The following SRBD1 variants were observed in gnomAD, a reference collection of about 807,000 sequenced individuals.
SRBD1 encodes S1 RNA-binding domain-containing protein 1.
Under a neutral mutation model 115.3 loss-of-function variants are expected in SRBD1, and 88 were observed. The observed-to-expected ratio is 0.76, with a 90% CI of 0.64 to 0.91. The LOEUF is 0.91. Among genes scored for constraint, SRBD1 ranks in the 40% least tolerant of loss-of-function variants. SRBD1 has a pLI of 0.00. For synonymous variants in SRBD1, 509 were observed against 407.7 expected (o/e 1.25, Z -2.99); for missense variants, 1,385 against 1,177.4 (o/e 1.18, Z -2.58).
intron 16 of SRBD1, among the ~76,000 whole-genome samples, chr2:45,472,462 C>G (rs6730610): frequency 0.01 from 1,587 of 152,212 alleles, 26 homozygotes; most frequent in African/African-American, 0.029. Flanking sequence ...AATTATGAAC[C>G]AATAAAGCTG....
chr2:45,519,810 C>A (rs903304856), intron 14 of SRBD1, among the ~76,000 whole-genome samples: 6 of 152,106 alleles, frequency 3.9e-5, no homozygotes, highest in Non-Finnish European at 1.5e-5. Context: ...GAGCCTTCTT[C>A]TAAGTACTCG....
At chr2:45,455,080 A>G (rs1380942302) in intron 16 of SRBD1, among the ~76,000 whole-genome samples, 1 of 151,868 alleles carries the variant, frequency 6.6e-6, no homozygotes, top group African/African-American at 2.4e-5. Context: ...TACACTTCTT[A>G]GTTTGCTATA....
intron 10 of SRBD1, among the ~76,000 whole-genome samples, chr2:45,561,177 C>T (rs146318039): frequency 2.4e-4 from 37 of 152,260 alleles, no homozygotes; most frequent in African/African-American, 8.7e-4. Context: ...TTATTTGCCA[C>T]TAGTGAAATC....
chr2:45,562,672 T>C lies in SRBD1; in HGVS notation c.1390A>G (p.Arg464Gly). 6.2e-7 allele frequency: 1 copy of C among 1,608,104 alleles called. No homozygotes were observed. Among genetic ancestry groups the C allele is most frequent in the Non-Finnish European group, 8.5e-7 (1 of 1,178,560 alleles). ...ISDGVKDEFC[R>G]WCIQNRWRPR... ...ACAGACCTGTTTTGGATGCACCACC[T>C]ACAGAATTCATCCTTCACTCCATCA... The change falls in exon 10 of 21, where the codon AGG becomes GGG. Residue 464 changes from arginine (R) to glycine (G), a missense_variant. Transcript: ENST00000263736.
At chr2:45,560,345 CTGAG>C (rs1289919054) in intron 10 of SRBD1, among the ~76,000 whole-genome samples, 1 of 152,134 alleles carries the variant, frequency 6.6e-6, no homozygotes. Context: ...GACTCTGATA[CTGAG>C]TATTATGAAT....
chr2:45,597,737 G>C (rs1239622230), intron 4 of SRBD1, among the ~76,000 whole-genome samples: 2 of 152,114 alleles, frequency 1.3e-5, no homozygotes, highest in African/African-American at 4.8e-5. Context: ...TATGTCCTTG[G>C]TGAAAAACTC....
At chr2:45,476,250 G>A (rs1669800593) in intron 16 of SRBD1, among the ~76,000 whole-genome samples, 1 of 152,060 alleles carries the variant, frequency 6.6e-6, no homozygotes. Context: ...AATGAGGGGG[G>A]TAGGGTTACA....
At chr2:45,482,937 T>C (rs1334683855) in intron 15 of SRBD1, among the ~76,000 whole-genome samples, 1 of 152,164 alleles carries the variant, frequency 6.6e-6, no homozygotes, top group East Asian at 1.9e-4. Flanking sequence ...ATTGTTATAC[T>C]ATATTTTCAA....
intron 14 of SRBD1, among the ~76,000 whole-genome samples, chr2:45,528,932 A>C (rs891067205): frequency 6.6e-6 from 1 of 151,970 alleles, no homozygotes; most frequent in Non-Finnish European, 1.5e-5. Flanking sequence ...TGGTCAGTGG[A>C]TATGCTTTTA....
At chr2:45,546,932 T>C (rs960678371) in intron 13 of SRBD1, 93 bp from the exon 14 acceptor site, 26 of 1,193,288 alleles carry the variant, frequency 2.2e-5, no homozygotes, top group African/African-American at 4.5e-5. Context: ...TACTATTATA[T>C]GATTCTCTTA....
At chr2:45,516,122 T>C (rs1318302728) in intron 14 of SRBD1, among the ~76,000 whole-genome samples, 1 of 152,216 alleles carries the variant, frequency 6.6e-6, no homozygotes, top group Non-Finnish European at 1.5e-5. Context: ...GAACTGTGTT[T>C]AATTAAAAAA....
chr2:45,451,747 C>G (rs1472652426), intron 16 of SRBD1, among the ~76,000 whole-genome samples: 1 of 150,910 alleles, frequency 6.6e-6, no homozygotes, highest in Non-Finnish European at 1.5e-5. Context: ...TTGCTGGCAG[C>G]AACGAAGAGA....
rs1376758324 is a variant in SRBD1 at position 45,392,942 on chromosome 2, T to C, written c.2698+3A>G. On this transcript the variant is annotated splice_donor_region_variant and intron_variant, in intron 20 of 20. Coordinates refer to ENST00000263736, the MANE Select transcript of SRBD1 (RefSeq NM_018079.5). ...GTGCTATAATTCAAGTTCAACTGTT[T>C]ACCTGTTCGAAAGTCAAAGCTTTCA... 8 of 1,599,894 alleles carry C rather than the reference T, an allele frequency of 5.0e-6. No individual in the cohort carries two copies. The Admixed American group carries it at 1.0e-4, about 21-fold the overall frequency.
intron 4 of SRBD1, among the ~76,000 whole-genome samples, chr2:45,590,045 G>C (rs1673669705): frequency 6.6e-6 from 1 of 152,216 alleles, no homozygotes; most frequent in Non-Finnish European, 1.5e-5. Context: ...GCTAAACAGG[G>C]AGGCAGGAAT....
chr2:45,414,721 C>CACACACACAGTGTGTATATAGTATGTAT (rs1667733534), intron 18 of SRBD1, among the ~76,000 whole-genome samples: 1 of 125,140 alleles, frequency 8.0e-6, no homozygotes, highest in African/African-American at 2.7e-5. Context: ...TATGTATATA[C>CACACACACAGTGTGTATATAGTATGTAT]ACACACACAG....
chr2:45,544,755 CAT>C (rs1316572806), intron 14 of SRBD1, among the ~76,000 whole-genome samples: 1 of 152,072 alleles, frequency 6.6e-6, no homozygotes, highest in African/African-American at 2.4e-5. Context: ...CTTTTAAAGA[CAT>C]ATAATTTATA....
chr2:45,438,271 T>G (rs930314846), intron 16 of SRBD1, among the ~76,000 whole-genome samples: 3 of 152,208 alleles, frequency 2.0e-5, no homozygotes, highest in African/African-American at 2.4e-5. Context: ...AATTCAATAC[T>G]CTTTAAAGGA....
chr2:45,581,617 G>GT lies in SRBD1; in HGVS notation c.933+75dup, dbSNP rs1452015598. 6 of 1,003,316 alleles carry GT rather than the reference G, an allele frequency of 6.0e-6. No homozygotes were observed. The African/African-American group carries it at 8.2e-5, about 14-fold the overall frequency. The allele number at this position is 1,003,316 out of a possible 1,614,324, so 62.2% of individuals were successfully genotyped here. On this transcript the variant is annotated intron_variant, in intron 6 of 20. Transcript: ENST00000263736. ...AATGACGTTAGCTTTTTATTTCTTG[G>GT]TGTTCTTTAATCATAAGAAGACCCA... is the stretch of plus-strand genomic sequence containing the variant.
chr2:45,591,386 A>C lies in SRBD1; in HGVS notation c.649-5612T>G, dbSNP rs548561215. On this transcript the variant is annotated intron_variant, in intron 4 of 20. Transcript: ENST00000263736. ...GCCCCCTACCTACCAAATTATCTTA[A>C]AAACTCCAATTCCCGAGTTTTCAGG... Among the ~76,000 whole-genome samples, 3 of 152,264 alleles carry C rather than the reference A, an allele frequency of 2.0e-5. No individual in the cohort carries two copies. In the South Asian group the frequency reaches 6.2e-4, roughly 32 times the overall value.
Sources: allele counts gnomAD v4.1 joint callset (sites outside exome capture counted in the v4.1 genomes callset), GRCh38; gene constraint gnomAD v4.1.1; transcripts MANE v1.5; gene names NCBI Gene and HGNC (gene_info 2026-07-23, HGNC 2026-07-21).